The following PLA2G4E variants were observed in gnomAD, a reference collection of about 807,000 sequenced individuals.
The protein encoded by PLA2G4E is cytosolic phospholipase A2 epsilon.
In PLA2G4E, 84 loss-of-function variants were observed where a neutral mutation model predicts 109.1. The observed-to-expected ratio is 0.77, with a 90% CI of 0.65 to 0.92. The LOEUF (loss-of-function observed/expected upper bound fraction) is 0.92. Ranked by LOEUF, PLA2G4E falls within the 40% of genes least tolerant of loss-of-function variation. The pLI is 0.00. For synonymous variants in PLA2G4E, 469 were observed against 436.1 expected (o/e 1.08, Z -0.94); for missense variants, 1,057 against 1,076.6 (o/e 0.98, Z 0.25).
intron 5 of PLA2G4E, among the ~76,000 whole-genome samples, chr15:42,004,133 C>A (rs2068448754): frequency 6.6e-6 from 1 of 152,104 alleles, no homozygotes; most frequent in South Asian, 2.1e-4. Flanking sequence ...GAAACCCCAT[C>A]TCTACTAAAA....
chr15:42,029,952 AT>A (rs1417067630), intron 1 of PLA2G4E, among the ~76,000 whole-genome samples: 1 of 152,210 alleles, frequency 6.6e-6, no homozygotes, highest in Non-Finnish European at 1.5e-5. Flanking sequence ...CACGTCATAT[AT>A]GAGAAGAGAG....
intron 12 of PLA2G4E, among the ~76,000 whole-genome samples, chr15:41,994,317 G>A (rs1439373830): frequency 1.3e-5 from 2 of 152,152 alleles, no homozygotes; most frequent in Non-Finnish European, 2.9e-5. Flanking sequence ...GGGGTGTGTG[G>A]CACAGGAGCC....
At chr15:41,983,658 G>A in exon 20 of PLA2G4E, 1 of 1,141,942 alleles carries the variant, frequency 8.8e-7, no homozygotes, top group Non-Finnish European at 1.2e-6. Flanking sequence ...CATTGCCGGA[G>A]AGCAGAGCTG....
intron 4 of PLA2G4E, 56 bp from the exon 5 acceptor site, chr15:42,005,034 C>A (rs550437513): frequency 2.6e-5 from 42 of 1,598,436 alleles, no homozygotes; most frequent in Non-Finnish European, 3.5e-5. Context: ...TCTCTGCTGA[C>A]CAGAACCCTT....
intron 1 of PLA2G4E, among the ~76,000 whole-genome samples, chr15:42,035,307 G>T (rs1196887926): frequency 6.6e-6 from 1 of 152,182 alleles, no homozygotes; most frequent in Non-Finnish European, 1.5e-5. Flanking sequence ...TTACTGCCTT[G>T]GTGACATCCC....
At chr15:42,033,042 T>C (rs1889142457) in intron 1 of PLA2G4E, among the ~76,000 whole-genome samples, 1 of 152,016 alleles carries the variant, frequency 6.6e-6, no homozygotes, top group African/African-American at 2.4e-5. Context: ...TGGTATGTTG[T>C]GTAAGTGTGC....
chr15:42,042,062 T>A (rs1595579752), intron 1 of PLA2G4E, among the ~76,000 whole-genome samples: 1 of 147,676 alleles, frequency 6.8e-6, no homozygotes, highest in Non-Finnish European at 1.5e-5. Flanking sequence ...TCAATGACAT[T>A]TTCTAGGCTT....
intron 15 of PLA2G4E, among the ~76,000 whole-genome samples, 179 bp downstream of exon 15, chr15:41,989,236 G>A (rs2068199178): frequency 6.6e-6 from 1 of 152,188 alleles, no homozygotes; most frequent in South Asian, 2.1e-4. Context: ...GGAGACTGCT[G>A]GAGACCAGGA....
intron 13 of PLA2G4E, among the ~76,000 whole-genome samples, chr15:41,991,683 C>T (rs1481781016): frequency 6.6e-6 from 1 of 152,178 alleles, no homozygotes; most frequent in Non-Finnish European, 1.5e-5. Context: ...TCCGGTCATT[C>T]TCAGGTGCTC....
chr15:42,035,379 T>A (rs1304972207), intron 1 of PLA2G4E, among the ~76,000 whole-genome samples: 2 of 152,220 alleles, frequency 1.3e-5, no homozygotes, highest in Admixed American at 1.3e-4. Flanking sequence ...ACATTACATT[T>A]CAACACCTGT....
At position 41,992,593 on chromosome 15, in the gene PLA2G4E, C is replaced by G. The variant is rs1005431006; in HGVS notation, c.1470+144G>C. The G allele has an allele frequency of 7.8e-6, 6 of 771,254 alleles. No homozygotes were observed. In the Admixed American group the frequency reaches 1.4e-4, roughly 18 times the overall value. The allele number at this position is 771,254 out of a possible 1,614,324, so 47.8% of individuals were successfully genotyped here. A position where few individuals can be genotyped will look rare whatever the true frequency, so the allele number is the denominator to read the frequency against. ...CTTCCTCCGTCATAGAGTCCGACAC[C>G]TTATCGGTCTTCCAGCCCAAGGATA... On this transcript the variant is annotated intron_variant, in intron 13 of 19. Coordinates refer to ENST00000399518, the Ensembl canonical transcript of PLA2G4E.
In PLA2G4E at chr15:41,987,026, G is replaced by A. The variant is rs1001093928; in HGVS notation, c.2035+146C>T. 9.7e-6 allele frequency: 8 copies of A among 823,348 alleles called. No homozygotes were observed. The African/African-American group carries it at 1.2e-4, about 12-fold the overall frequency. 51.0% of individuals were successfully genotyped at this position (823,348 alleles called of 1,614,324 possible). On this transcript the variant is annotated intron_variant, in intron 17 of 19. Coordinates refer to ENST00000399518, the Ensembl canonical transcript of PLA2G4E. ...AGTGTTCAAGACGACACCACCAAAT[G>A]TGGAAAACACCATGGGGAGAGAGGT...
At chr15:42,001,877 G>A (rs1048795992) in intron 6 of PLA2G4E, among the ~76,000 whole-genome samples, 103 of 152,084 alleles carry the variant, frequency 6.8e-4, no homozygotes, top group African/African-American at 2.4e-3. Flanking sequence ...TTTTTTTGTA[G>A]GGATGGAGTT....
chr15:42,013,736 G>T (rs1349583464), exon 2 of PLA2G4E: 1 of 1,550,468 alleles, frequency 6.4e-7, no homozygotes, highest in Non-Finnish European at 8.7e-7. Context: ...ACTGTCAACA[G>T]GTGGCATGGA....
intron 1 of PLA2G4E, among the ~76,000 whole-genome samples, chr15:42,031,939 G>A (rs1889121279): frequency 6.6e-6 from 1 of 152,174 alleles, no homozygotes; most frequent in Admixed American, 6.5e-5. Context: ...GGAGCCTAGT[G>A]GGAAGTATTT....
Position 42,033,558 on chromosome 15 carries a change from C to T in PLA2G4E, c.183+16963G>A, listed in dbSNP as rs1016348037. On this transcript the variant is annotated intron_variant, in intron 1 of 19. Coordinates refer to ENST00000399518, the Ensembl canonical transcript of PLA2G4E. ...TGAGATGCCAGGCACCTGGAGGAGGCATTGGGGCAAAGGACATCCTGGGTG... is the reference window on the plus strand; with the variant it reads ...TGAGATGCCAGGCACCTGGAGGAGGTATTGGGGCAAAGGACATCCTGGGTG... Among the ~76,000 whole-genome samples, 17 of 77,218 alleles carry T rather than the reference C, an allele frequency of 2.2e-4. No individual in the cohort carries two copies. In the East Asian group the frequency reaches 6.7e-3, roughly 30 times the overall value. 50.7% of individuals were successfully genotyped at this position (77,218 alleles called of 152,430 possible).
Position 41,989,560 on chromosome 15 carries a change from T to A in PLA2G4E, c.1586-8A>T. The A allele has an allele frequency of 6.2e-7, 1 of 1,611,812 alleles. No individual in the cohort carries two copies. Among genetic ancestry groups the A allele is most frequent in the South Asian group, 1.1e-5 (1 of 90,866 alleles). ...GGGAGAACTCGAACCACTCTGCACA[T>A]GAAGCAGCAGGACGGGGGTCAGTCT... On this transcript the variant is annotated splice_region_variant and splice_polypyrimidine_tract_variant and intron_variant, in intron 14 of 19. Coordinates refer to ENST00000399518, the Ensembl canonical transcript of PLA2G4E.
chr15:42,030,732 C>A (rs560877736), intron 1 of PLA2G4E, among the ~76,000 whole-genome samples: 1 of 152,238 alleles, frequency 6.6e-6, no homozygotes, highest in South Asian at 2.1e-4. Context: ...CAAGTAACCA[C>A]TCATTTGCCT....
rs147512378 is a variant in PLA2G4E, at chr15:42,031,298, T to A, written c.184-17541A>T. On this transcript the variant is annotated intron_variant, in intron 1 of 19. Coordinates refer to ENST00000399518, the Ensembl canonical transcript of PLA2G4E. ...AGTTCCTTCCCTTCATGCTTAGCAA[T>A]CATAAATAAAGCTGCTGTAAACATT... Among the ~76,000 whole-genome samples the A allele has an allele frequency of 1.1e-4, 17 of 152,318 alleles. No individual in the cohort carries two copies. In the East Asian group the frequency reaches 3.3e-3, roughly 29 times the overall value.
Sources: gnomAD v4.1 joint callset for allele counts (sites outside exome capture counted in the v4.1 genomes callset) on GRCh38, gnomAD v4.1.1 for gene constraint, MANE v1.5 for transcripts, NCBI Gene and HGNC (gene_info 2026-07-23, HGNC 2026-07-21) for gene names.